Variants in C3orf20 observed in about 807,000 individuals in gnomAD.
C3orf20 encodes the protein family with sequence similarity 149 member C, also known as uncharacterized protein C3orf20.
Under a neutral mutation model 88.3 loss-of-function variants are expected in C3orf20, and 76 were observed. The observed-to-expected ratio is 0.86, with a 90% CI of 0.72 to 1.04. The LOEUF (loss-of-function observed/expected upper bound fraction) is 1.04, where lower values mean the gene tolerates loss of function less well. C3orf20 is among the 50% of genes least tolerant of loss of function. The pLI is 0.00. For synonymous variants in C3orf20, 436 were observed against 437.4 expected (o/e 1.00, Z 0.04); for missense variants, 1,056 against 1,123.3 (o/e 0.94, Z 0.86).
At chr3:14,751,807 A>G (rs918746794) in intron 12 of C3orf20, among the ~76,000 whole-genome samples, 1 of 152,214 alleles carries the variant, frequency 6.6e-6, no homozygotes, top group Non-Finnish European at 1.5e-5. Flanking sequence ...GAGGACTACA[A>G]ACCACTTCTC....
At chr3:14,760,690 AC>A (rs1490742036) in intron 14 of C3orf20, among the ~76,000 whole-genome samples, 1 of 145,188 alleles carries the variant, frequency 6.9e-6, no homozygotes, top group Non-Finnish European at 1.5e-5. Flanking sequence ...GCTCACTGCA[AC>A]CTCTGCCTCC....
intron 8 of C3orf20, 36 bp from the exon 9 acceptor site, chr3:14,715,253 C>A: frequency 6.2e-7 from 1 of 1,600,460 alleles, no homozygotes; most frequent in South Asian, 1.1e-5. Flanking sequence ...CCTTCAGGGG[C>A]CCGGTGGCAG....
intron 9 of C3orf20, among the ~76,000 whole-genome samples, chr3:14,719,921 C>A (rs1023309892): frequency 6.6e-6 from 1 of 152,208 alleles, no homozygotes. Context: ...GACCCTTGCT[C>A]AACTGCAGAG....
intron 4 of C3orf20, among the ~76,000 whole-genome samples, chr3:14,685,835 T>A (rs572452968): frequency 3.0e-4 from 46 of 151,728 alleles, no homozygotes; most frequent in Non-Finnish European, 6.0e-4. Flanking sequence ...TCACTTATGT[T>A]GTAGCAAATG....
chr3:14,732,393 A>G lies in C3orf20; in HGVS notation c.1940+3705A>G, dbSNP rs574587345. Among the ~76,000 whole-genome samples the G allele has an allele frequency of 2.0e-5, 3 of 152,358 alleles. No homozygotes were observed. In the East Asian group the frequency reaches 5.8e-4, roughly 29 times the overall value. On this transcript the variant is annotated intron_variant, in intron 12 of 16. Coordinates refer to ENST00000253697, the MANE Select transcript of C3orf20 (RefSeq NM_032137.5). Reference sequence around the variant, plus strand: ...TCTGGGTATAAGTCTTTTATCAGATATGTGACTTGAAATATTTTCTTCAGC... The same window carrying G: ...TCTGGGTATAAGTCTTTTATCAGATGTGTGACTTGAAATATTTTCTTCAGC...
rs1408256323 is a variant in C3orf20 at position 14,772,437 on chromosome 3, C to T, written c.2630+236C>T. 1.3e-5 allele frequency among the ~76,000 whole-genome samples: 2 copies of T among 152,206 alleles called. No individual in the cohort carries two copies. Among genetic ancestry groups the T allele is most frequent in the Non-Finnish European group, 2.9e-5 (2 of 68,038 alleles). On this transcript the variant is annotated intron_variant, in intron 16 of 16. Transcript: ENST00000253697. The surrounding 1 kb of genome is among the most constrained non-coding windows in gnomAD (Gnocchi z 4.2). ...CCTTTTGTAGACTTTGCAGCAGAAC[C>T]CCACAGCCCAGACCCATTAGTCTGA...
chr3:14,696,106 G>A (rs1184712600), intron 5 of C3orf20, among the ~76,000 whole-genome samples: 2 of 134,474 alleles, frequency 1.5e-5, no homozygotes, highest in Non-Finnish European at 3.1e-5. Context: ...CTGGTGATAT[G>A]ATTAAATTTC....
rs183123249 is a variant in C3orf20 at position 14,728,707 on chromosome 3, G to A, written c.1940+19G>A. The A allele has an allele frequency of 1.0e-4, 161 of 1,610,278 alleles. 1 individual carries two copies. In the African/African-American group the frequency reaches 1.8e-3, roughly 18 times the overall value. ...CATCCAGGTTGGCTTGGTCCTTCAC[G>A]TCTTCCGCAGCATCGGGTGTTGTGA... On this transcript the variant is annotated intron_variant, in intron 12 of 16. Transcript: ENST00000253697.
At chr3:14,761,421 A>C in intron 14 of C3orf20, 52 bp from the exon 15 acceptor site, 1 of 1,608,620 alleles carries the variant, frequency 6.2e-7, no homozygotes, top group Non-Finnish European at 8.5e-7. Context: ...ATCAGTGGAC[A>C]CTGCTGTGCT....
chr3:14,709,181 C>T (rs2033642525), intron 7 of C3orf20, among the ~76,000 whole-genome samples: 1 of 152,186 alleles, frequency 6.6e-6, no homozygotes, highest in African/African-American at 2.4e-5. Flanking sequence ...ATCTTGTGTT[C>T]ATGGGGACAA....
rs903709374 is a variant in C3orf20 at position 14,703,871 on chromosome 3, A to C, written c.879-466A>C. On this transcript the variant is annotated intron_variant, in intron 6 of 16. Coordinates refer to ENST00000253697, the MANE Select transcript of C3orf20 (RefSeq NM_032137.5). The stretch of plus-strand genomic sequence containing the variant: ...CAACATTTCTCTGAGGGCCCAGGCC[A>C]CTGGGTGTAAAGGACTTAAGCACCT... Among the ~76,000 whole-genome samples, 3 of 152,182 alleles carry C rather than the reference A, an allele frequency of 2.0e-5. No individual in the cohort carries two copies. In the South Asian group the frequency reaches 6.2e-4, roughly 32 times the overall value.
At chr3:14,716,502 C>G (rs2033946176) in intron 9 of C3orf20, among the ~76,000 whole-genome samples, 2 of 152,176 alleles carry the variant, frequency 1.3e-5, no homozygotes, top group African/African-American at 2.4e-5. Context: ...ACACTGGCCA[C>G]TGACTCTCCT....
chr3:14,690,242 A>C, intron 5 of C3orf20, 126 bp downstream of exon 5: 1 of 1,321,600 alleles, frequency 7.6e-7, no homozygotes, highest in Non-Finnish European at 1.0e-6. Flanking sequence ...AAGGATACAT[A>C]GCGGCTCTGC....
intron 7 of C3orf20, among the ~76,000 whole-genome samples, chr3:14,708,555 C>CA (rs1318184577): frequency 2.7e-5 from 4 of 149,900 alleles, no homozygotes; most frequent in South Asian, 2.1e-4. Flanking sequence ...TCCATTTCCA[C>CA]AAAAAAAAGG....
At chr3:14,722,291 A>ATC (rs2034191352) in intron 10 of C3orf20, 1 of 359,916 alleles carries the variant, frequency 2.8e-6, no homozygotes, top group Non-Finnish European at 5.5e-6. Flanking sequence ...AAATGCCAAC[A>ATC]TCAACACTCA....
chr3:14,687,868 T>C (rs2032511281), intron 4 of C3orf20, among the ~76,000 whole-genome samples: 1 of 152,110 alleles, frequency 6.6e-6, no homozygotes, highest in South Asian at 2.1e-4. Context: ...AGGGGGCCTT[T>C]TGGGTGATCT....
chr3:14,676,607 A>G (rs1156920639), intron 1 of C3orf20, among the ~76,000 whole-genome samples: 2 of 152,198 alleles, frequency 1.3e-5, no homozygotes, highest in Non-Finnish European at 2.9e-5. Flanking sequence ...TTATACAGAT[A>G]ACTTCCCTGA....
Position 14,718,741 on chromosome 3 carries a change from G to A in C3orf20, c.1435-2912G>A, listed in dbSNP as rs75335114. Among the ~76,000 whole-genome samples the A allele has an allele frequency of 2.0e-5, 3 of 152,326 alleles. No individual in the cohort carries two copies. The East Asian group carries it at 5.8e-4, about 29-fold the overall frequency. On this transcript the variant is annotated intron_variant, in intron 9 of 16. Transcript: ENST00000253697. ...TGGTTAGACTGAAACCACAAACTTT[G>A]TTTCACCTGCAGAAGCTCACGTCTC...
rs371174633 is a variant in C3orf20 at position 14,678,972 on chromosome 3, TCTCCCACGGATCCC to T, written c.-298-3196_-298-3183del. ...CCACTTTCCCAGTTTCATCTGCTGC[TCTCCCACGGATCCC>T]CCCACATCCCAGACATACTGAGGTG... On this transcript the variant is annotated intron_variant, in intron 1 of 16. Coordinates refer to ENST00000253697, the MANE Select transcript of C3orf20 (RefSeq NM_032137.5). 1.1e-3 allele frequency among the ~76,000 whole-genome samples: 162 copies of T among 152,302 alleles called. 1 individual carries two copies. The highest frequency in any genetic ancestry group is 3.7e-3 in the African/African-American group (154 of 41,554).
Sources: allele counts gnomAD v4.1 joint callset (sites outside exome capture counted in the v4.1 genomes callset), GRCh38; gene constraint gnomAD v4.1.1; non-coding constraint Gnocchi (gnomAD v3.1); transcripts MANE v1.5; gene names NCBI Gene and HGNC (gene_info 2026-07-23, HGNC 2026-07-21).